ENPP2: variants seen among roughly 807,000 people sequenced by gnomAD.
ENPP2 encodes ectonucleotide pyrophosphatase/phosphodiesterase 2.
ENPP2 carries 51 observed loss-of-function variants against 120.2 expected under a neutral mutation model. That is an observed-to-expected ratio of 0.42 (90% CI 0.34 to 0.54). The LOEUF is 0.54. Among genes scored for constraint, ENPP2 ranks in the 20% least tolerant of loss-of-function variants. The pLI, the probability that ENPP2 is intolerant of heterozygous loss-of-function variation, is 0.04. For synonymous variants in ENPP2, 365 were observed against 366.4 expected, an observed-to-expected ratio of 1.00 and a Z score of 0.04; for missense variants, 920 against 1,066.5, an observed-to-expected ratio of 0.86 and a Z score of 1.91.
chr8:119,664,952 A>C (rs947769830), intron 1 of ENPP2, among the ~76,000 whole-genome samples: 15 of 152,178 alleles, frequency 9.9e-5, no homozygotes, highest in African/African-American at 3.4e-4. Flanking sequence ...CACATTCTGG[A>C]GATGAGAAGT....
intron 3 of ENPP2, among the ~76,000 whole-genome samples, chr8:119,623,663 T>A (rs1232642872): frequency 6.6e-6 from 1 of 152,094 alleles, no homozygotes; most frequent in South Asian, 2.1e-4. Context: ...TCTCACTCTG[T>A]CGCCTGGGCT....
rs552476561 is a variant in ENPP2 at position 119,593,037 on chromosome 8, C to T, written c.1081+715G>A. ...GTTTCAATCTAATAGTTCCGGAATA[C>T]AGGAGATACCCTTTAGAACTCAGTC... On this transcript the variant is annotated intron_variant, in intron 12 of 24. Transcript: ENST00000075322. The T allele has an allele frequency of 1.4e-4, 102 of 748,038 alleles. 1 individual carries two copies. The South Asian group carries it at 5.6e-3, about 41-fold the overall frequency. 46.3% of individuals were successfully genotyped at this position (748,038 alleles called of 1,614,324 possible). A position where few individuals can be genotyped will look rare whatever the true frequency, so the allele number is the denominator to read the frequency against.
intron 2 of ENPP2, among the ~76,000 whole-genome samples, chr8:119,635,012 G>A (rs1816913537): frequency 6.6e-6 from 1 of 152,136 alleles, no homozygotes; most frequent in African/African-American, 2.4e-5. Context: ...CCCATGACAG[G>A]ATAATCCTAA....
intron 14 of ENPP2, 62 bp from the exon 15 acceptor site, chr8:119,586,375 T>A: frequency 6.5e-7 from 1 of 1,528,034 alleles, no homozygotes; most frequent in Non-Finnish European, 9.1e-7. Flanking sequence ...TCTTACAAAT[T>A]CTCTCTCTAG....
intron 9 of ENPP2, among the ~76,000 whole-genome samples, chr8:119,603,530 G>A (rs1455020653): frequency 6.6e-6 from 1 of 151,982 alleles, no homozygotes; most frequent in Non-Finnish European, 1.5e-5. Context: ...GATAAGACTT[G>A]GCAAGTTATC....
At chr8:119,612,221 C>T (rs746764385) in intron 8 of ENPP2, among the ~76,000 whole-genome samples, 5 of 152,136 alleles carry the variant, frequency 3.3e-5, no homozygotes, top group Non-Finnish European at 4.4e-5. Flanking sequence ...TAGCAGAGCT[C>T]GCCCTAACTA....
At chr8:119,619,216 C>A (rs1329274502) in intron 5 of ENPP2, 28 bp downstream of exon 5, 2 of 1,535,672 alleles carry the variant, frequency 1.3e-6, no homozygotes, top group Non-Finnish European at 1.8e-6. Context: ...ATACATAAAA[C>A]TTCAAAATAG....
In ENPP2 at chr8:119,601,505, T is replaced by A. The variant is rs1269678840; in HGVS notation, c.834-43A>T. The A allele has an allele frequency of 2.6e-6, 4 of 1,521,866 alleles. No individual in the cohort carries two copies. The Admixed American group carries it at 6.7e-5, about 25-fold the overall frequency. The allele number at this position is 1,521,866 out of a possible 1,614,324, so 94.3% of individuals were successfully genotyped here. ...GCAAAGCATGTTGTTAGGTTTCATT[T>A]CCGCAAACTCAAGCCTGAGGAGTGC... On this transcript the variant is annotated intron_variant, in intron 9 of 24. Coordinates refer to ENST00000075322, the MANE Select transcript of ENPP2 (RefSeq NM_001040092.3).
At chr8:119,667,510 T>A (rs1818108694) in intron 1 of ENPP2, among the ~76,000 whole-genome samples, 2 of 152,220 alleles carry the variant, frequency 1.3e-5, no homozygotes, top group Non-Finnish European at 2.9e-5. Flanking sequence ...CATTGTGACC[T>A]TCTAAATCTT....
chr8:119,566,637 C>G (rs1455682997), intron 22 of ENPP2, among the ~76,000 whole-genome samples: 1 of 152,138 alleles, frequency 6.6e-6, no homozygotes. Context: ...AAAACCACCC[C>G]CCTCGTGGAG....
rs150706494 is a variant in ENPP2, at chr8:119,595,948, C to A, written c.973-2088G>T. ...GGTCTTTCCTGTCTCCTCTTAGGGG[C>A]AACTTTCCTCTTAGGTCTCTTAGCC... is the stretch of plus-strand genomic sequence containing the variant. On this transcript the variant is annotated intron_variant, in intron 11 of 24. Transcript: ENST00000075322. 4 of 1,613,878 alleles carry A rather than the reference C, an allele frequency of 2.5e-6. No individual in the cohort carries two copies. The African/African-American group carries it at 5.3e-5, about 22-fold the overall frequency.
At chr8:119,564,662 A>T (rs1814251749) in intron 23 of ENPP2, among the ~76,000 whole-genome samples, 161 bp downstream of exon 23, 1 of 151,860 alleles carries the variant, frequency 6.6e-6, no homozygotes, top group African/African-American at 2.4e-5. Flanking sequence ...TGGGCAACAG[A>T]GCAAGACGCC....
intron 11 of ENPP2, chr8:119,595,891 T>C (rs1253804895): frequency 6.2e-7 from 1 of 1,613,948 alleles, no homozygotes; most frequent in Non-Finnish European, 8.5e-7. Context: ...ATCCTATGTA[T>C]TTTTCTTCTT....
intron 13 of ENPP2, among the ~76,000 whole-genome samples, chr8:119,587,319 G>A (rs1813184773): frequency 6.6e-6 from 1 of 152,132 alleles, no homozygotes; most frequent in South Asian, 2.1e-4. Context: ...TGCTCTTCTG[G>A]AGGGAATTCC....
intron 14 of ENPP2, among the ~76,000 whole-genome samples, chr8:119,586,700 T>G (rs1268177963): frequency 6.6e-6 from 1 of 152,072 alleles, no homozygotes; most frequent in East Asian, 1.9e-4. Flanking sequence ...CTTGTACCAC[T>G]AAGGTCGCTA....
At chr8:119,630,651 C>T (rs1373669209) in intron 2 of ENPP2, among the ~76,000 whole-genome samples, 2 of 152,140 alleles carry the variant, frequency 1.3e-5, no homozygotes, top group African/African-American at 4.8e-5. Context: ...GCCTTACACT[C>T]ATAATGCCAA....
In ENPP2 at chr8:119,570,796, C is replaced by A. The variant is rs747625040; in HGVS notation, c.1826G>T (p.Arg609Ile). 2 of 1,585,712 alleles carry A rather than the reference C, an allele frequency of 1.3e-6. No individual in the cohort carries two copies. The highest frequency in any genetic ancestry group is 2.4e-5 in the South Asian group (2 of 84,822). ...YGRPAVLYRT[R>I]YDILYHTDFE... ...GTCAGTGTGATATAAGATATCATAT[C>A]TAGTCCGATAAAGCACTGCAGGTCG... Residue 609 changes from arginine (R) to isoleucine (I), a missense_variant, in exon 20 of 25, where the codon AGA (arginine) becomes ATA (isoleucine). Arg to Ile is a moderately conservative substitution (Grantham distance 97). Coordinates refer to ENST00000075322, the MANE Select transcript of ENPP2 (RefSeq NM_001040092.3).
At chr8:119,581,796 G>A (rs114049286) in intron 18 of ENPP2, among the ~76,000 whole-genome samples, 5,137 of 141,066 alleles carry the variant, frequency 0.036, 271 homozygotes, top group African/African-American at 0.13. Context: ...GTCTCACTCC[G>A]TCTTCCAGGC....
chr8:119,601,045 G>A (rs949805907), intron 10 of ENPP2, among the ~76,000 whole-genome samples: 3 of 152,106 alleles, frequency 2.0e-5, no homozygotes, highest in Non-Finnish European at 2.9e-5. Context: ...TAATTCACAT[G>A]GGCCGTGCAA....
Sources: allele counts gnomAD v4.1 joint callset (sites outside exome capture counted in the v4.1 genomes callset), GRCh38; gene constraint gnomAD v4.1.1; transcripts MANE v1.5; gene names NCBI Gene and HGNC (gene_info 2026-07-23, HGNC 2026-07-21).